SCEL: variants seen among roughly 807,000 people sequenced by gnomAD.
The protein encoded by SCEL is sciellin.
In SCEL, 113 loss-of-function variants were observed where a neutral mutation model predicts 117.6. The observed-to-expected ratio is 0.96, with a 90% CI of 0.83 to 1.12. The LOEUF (loss-of-function observed/expected upper bound fraction) is 1.12, where lower values mean the gene tolerates loss of function less well. Ranked by LOEUF, SCEL falls within the 50% of genes most tolerant of loss-of-function variation. The pLI, the probability that SCEL is intolerant of heterozygous loss-of-function variation, is 0.00. For synonymous variants in SCEL, 270 were observed against 256.2 expected (o/e 1.05, Z -0.51); for missense variants, 785 against 810.8 (o/e 0.97, Z 0.39).
At chr13:77,550,399 T>C (rs2084245871) in intron 1 of SCEL, among the ~76,000 whole-genome samples, 2 of 147,796 alleles carry the variant, frequency 1.4e-5, no homozygotes, top group South Asian at 2.1e-4. Flanking sequence ...TATATATATA[T>C]ATATATATAT....
chr13:77,622,155 C>T (rs9574091), intron 27 of SCEL, among the ~76,000 whole-genome samples: 3 of 151,934 alleles, frequency 2.0e-5, no homozygotes, highest in Non-Finnish European at 4.4e-5. Context: ...TAGTTCCTGG[C>T]GTAAAAGGAA....
chr13:77,577,100 C>T (rs1213956060), intron 9 of SCEL, among the ~76,000 whole-genome samples: 1 of 152,130 alleles, frequency 6.6e-6, no homozygotes, highest in African/African-American at 2.4e-5. Context: ...AATTTGACTT[C>T]CTCTCTTTCT....
intron 8 of SCEL, among the ~76,000 whole-genome samples, chr13:77,570,956 C>T (rs577202855): frequency 2.6e-5 from 4 of 151,510 alleles, no homozygotes; most frequent in Admixed American, 6.6e-5. Flanking sequence ...CTCAGCCTCC[C>T]GAGTAGTTGG....
chr13:77,615,663 A>G (rs2088969845), intron 24 of SCEL, among the ~76,000 whole-genome samples: 1 of 152,112 alleles, frequency 6.6e-6, no homozygotes, highest in African/African-American at 2.4e-5. Flanking sequence ...AAATTTAGAC[A>G]TGCATGTTTT....
intron 24 of SCEL, among the ~76,000 whole-genome samples, chr13:77,617,252 T>C (rs1314719945): frequency 6.6e-6 from 1 of 152,130 alleles, no homozygotes; most frequent in Non-Finnish European, 1.5e-5. Flanking sequence ...ATGTCCTTAG[T>C]TGGTGAACCT....
In SCEL at chr13:77,556,604, A is replaced by G; in HGVS notation, c.52A>G (p.Ser18Gly). The change falls in exon 3 of 33, where the codon AGC becomes GGC. Residue 18 changes from serine (S) to glycine (G), a missense_variant. Physicochemically the swap from Ser to Gly is moderately conservative, Grantham distance 56. Transcript: ENST00000349847. ...CATGTTTCTGTTGATAGAGATGAAG[A>G]GCACCACTCAGGGAACCACACGGAA... ...KMSPTGNEMK[S>G]TTQGTTRKQQ... 1.2e-6 allele frequency: 2 copies of G among 1,613,392 alleles called. No individual in the cohort carries two copies. Among genetic ancestry groups the G allele is most frequent in the Non-Finnish European group, 1.7e-6 (2 of 1,179,354 alleles).
chr13:77,567,059 A>G (rs2085330777), intron 5 of SCEL, among the ~76,000 whole-genome samples: 1 of 152,248 alleles, frequency 6.6e-6, no homozygotes, highest in Non-Finnish European at 1.5e-5. Context: ...TGACATAGGA[A>G]GTACTGTCAT....
intron 4 of SCEL, among the ~76,000 whole-genome samples, chr13:77,563,151 TG>T (rs1460965307): frequency 1.3e-5 from 2 of 152,102 alleles, no homozygotes; most frequent in Non-Finnish European, 2.9e-5. Context: ...TCATCTGTCT[TG>T]CTCTCCTCTC....
intron 19 of SCEL, among the ~76,000 whole-genome samples, chr13:77,605,859 A>G (rs895360912): frequency 3.3e-5 from 5 of 152,008 alleles, no homozygotes; most frequent in African/African-American, 1.2e-4. Context: ...ACAAAAAGTT[A>G]GCTGGGCGTC....
rs1442395955 is a variant in SCEL, at chr13:77,617,795, A to C, written c.1512-8A>C. The C allele has an allele frequency of 1.2e-6, 2 of 1,604,794 alleles. No individual in the cohort carries two copies. Among genetic ancestry groups the C allele is most frequent in the Middle Eastern group, 1.7e-4 (1 of 6,044 alleles). ...TAACCTGCTCTCATTTTATTTTTTG[A>C]TTTAAAGAAACCAAGATCTTGCTAA... On this transcript the variant is annotated splice_region_variant and splice_polypyrimidine_tract_variant and intron_variant, in intron 25 of 32. Coordinates refer to ENST00000349847, the MANE Select transcript of SCEL (RefSeq NM_144777.3).
Position 77,601,837 on chromosome 13 carries a change from T to A in SCEL, c.918-228T>A, listed in dbSNP as rs149847753. ...TTAAGTTGACTCCATCATAACTGAG[T>A]AATGGTTGGTATCTTAGTCTCAGGC... is the stretch of plus-strand genomic sequence containing the variant. On this transcript the variant is annotated intron_variant, in intron 15 of 32. Coordinates refer to ENST00000349847, the MANE Select transcript of SCEL (RefSeq NM_144777.3). Among the ~76,000 whole-genome samples, 823 of 152,250 alleles carry A rather than the reference T, an allele frequency of 5.4e-3. 10 individuals are homozygous for A. The highest frequency in any genetic ancestry group is 0.019 in the African/African-American group (784 of 41,560).
rs140370279 is a variant in SCEL, at chr13:77,619,352, A to G, written c.1628+1292A>G. Among the ~76,000 whole-genome samples the G allele has an allele frequency of 9.2e-5, 14 of 152,292 alleles. 1 individual carries two copies. Among genetic ancestry groups the G allele is most frequent in the African/African-American group, 3.4e-4 (14 of 41,576 alleles). On this transcript the variant is annotated intron_variant, in intron 27 of 32. Coordinates refer to ENST00000349847, the MANE Select transcript of SCEL (RefSeq NM_144777.3). Reference sequence around the variant, plus strand: ...CATGAGAAATCTATTCATGCACCCTATTTTGTAGAAGAAGAAACTATAGTT... The same window carrying G: ...CATGAGAAATCTATTCATGCACCCTGTTTTGTAGAAGAAGAAACTATAGTT...
chr13:77,602,652 AG>A lies in SCEL; in HGVS notation c.978-1del, dbSNP rs1458162805. On this transcript the variant is annotated splice_acceptor_variant, in intron 16 of 32. Transcript: ENST00000349847. LOFTEE classifies it high-confidence loss of function. ...TGACAAGTTTTGGTGTTTTTTCCAAAGAAGACAAAATCTCGAATCTGTTGCT... is the reference window on the plus strand; with the variant it reads ...TGACAAGTTTTGGTGTTTTTTCCAAAAAGACAAAATCTCGAATCTGTTGCT... 6.2e-7 allele frequency: 1 copy of A among 1,613,600 alleles called. No homozygotes were observed.
intron 9 of SCEL, among the ~76,000 whole-genome samples, chr13:77,577,576 C>A (rs555087644): frequency 1.3e-5 from 2 of 152,308 alleles, no homozygotes; most frequent in Admixed American, 6.5e-5. Context: ...GACACAGAGG[C>A]AAACCATATC....
intron 11 of SCEL, among the ~76,000 whole-genome samples, chr13:77,593,116 G>A (rs1423435526): frequency 2.0e-5 from 3 of 152,102 alleles, no homozygotes; most frequent in Admixed American, 2.0e-4. Context: ...GTGTTTACTT[G>A]TCAGTTAAAT....
chr13:77,540,123 A>C (rs1192610922), intron 1 of SCEL, among the ~76,000 whole-genome samples: 2 of 152,258 alleles, frequency 1.3e-5, no homozygotes, highest in African/African-American at 4.8e-5. Flanking sequence ...TTCTCCCATT[A>C]CCAAAGTAAA....
chr13:77,552,262 A>T (rs2154395254), intron 1 of SCEL, among the ~76,000 whole-genome samples: 1 of 149,168 alleles, frequency 6.7e-6, no homozygotes, highest in South Asian at 2.1e-4. Context: ...TCCCTGAGGA[A>T]TCGCCACACT....
intron 1 of SCEL, among the ~76,000 whole-genome samples, chr13:77,552,932 G>C (rs1593900227): frequency 6.6e-6 from 1 of 152,146 alleles, no homozygotes; most frequent in Admixed American, 6.6e-5. Context: ...CATATGGCTA[G>C]CCAGTTTTCC....
In SCEL at chr13:77,567,718, C is replaced by A. The variant is rs1296652372; in HGVS notation, c.329C>A (p.Ala110Asp). 2 of 1,607,914 alleles carry A rather than the reference C, an allele frequency of 1.2e-6. No homozygotes were observed. Among genetic ancestry groups the A allele is most frequent in the East Asian group, 2.2e-5 (1 of 44,666 alleles). ...AATGATGCTGCTAAAACATATAAGG[C>A]CAATACCTTGGATAACCAACTAACC... ...DRNDAAKTYK[A>D]NTLDNQLTNR... Residue 110 changes from alanine to aspartate, a missense_variant, in exon 6 of 33, where the codon GCC becomes GAC. Coordinates refer to ENST00000349847, the MANE Select transcript of SCEL (RefSeq NM_144777.3).
Sources: gnomAD v4.1 joint callset for allele counts (sites outside exome capture counted in the v4.1 genomes callset) on GRCh38, gnomAD v4.1.1 for gene constraint, MANE v1.5 for transcripts, NCBI Gene and HGNC (gene_info 2026-07-23, HGNC 2026-07-21) for gene names.